The following ORC5 variants were observed in gnomAD, a reference collection of about 807,000 sequenced individuals.
The protein encoded by ORC5 is protein phosphatase 1, regulatory subunit 117.
In ORC5, 39 loss-of-function variants were observed where a neutral mutation model predicts 58.8. The observed-to-expected ratio is 0.66, with a 90% CI of 0.51 to 0.87. The LOEUF (loss-of-function observed/expected upper bound fraction) is 0.87. Ranked by LOEUF, ORC5 falls within the 40% of genes least tolerant of loss-of-function variation. The pLI, the probability that ORC5 is intolerant of heterozygous loss-of-function variation, is 0.00. For synonymous variants in ORC5, 218 were observed against 177.6 expected (o/e 1.23, Z -1.81); for missense variants, 493 against 506.3 (o/e 0.97, Z 0.25).
chr7:104,149,826 T>C (rs1485404957), intron 12 of ORC5, among the ~76,000 whole-genome samples: 1 of 152,206 alleles, frequency 6.6e-6, no homozygotes, highest in Non-Finnish European at 1.5e-5. Flanking sequence ...ATATATTCCT[T>C]TTCCTTTGAC....
chr7:104,176,053 G>A lies in ORC5; in HGVS notation c.825-7528C>T, dbSNP rs180810105. Among the ~76,000 whole-genome samples, 303 of 152,304 alleles carry A rather than the reference G, an allele frequency of 2.0e-3. 1 individual carries two copies. Among genetic ancestry groups the A allele is most frequent in the Non-Finnish European group, 3.2e-3 (215 of 68,022 alleles). The stretch of plus-strand genomic sequence containing the variant: ...CAGTCTTCATAAGATTGCCTACTGG[G>A]ACAAATAAAGTTTAGTCATGAGAAC... On this transcript the variant is annotated intron_variant, in intron 8 of 13. Transcript: ENST00000297431.
chr7:104,158,629 A>G (rs938808379), intron 12 of ORC5, among the ~76,000 whole-genome samples: 11 of 152,060 alleles, frequency 7.2e-5, no homozygotes, highest in African/African-American at 2.2e-4. Flanking sequence ...CAAATTTACA[A>G]AAAAATAAAC....
chr7:104,190,328 G>A (rs3808004), intron 5 of ORC5, among the ~76,000 whole-genome samples: 20,856 of 151,912 alleles, frequency 0.14, 1,756 homozygotes, highest in South Asian at 0.22. Flanking sequence ...TACATAAACT[G>A]CCAACAAACT....
Position 104,133,583 on chromosome 7 carries a change from G to T in ORC5, c.1262+3198C>A, listed in dbSNP as rs1434274458. Among the ~76,000 whole-genome samples, 1 of 152,078 alleles carries T rather than the reference G, an allele frequency of 6.6e-6. No homozygotes were observed. Among genetic ancestry groups the T allele is most frequent in the Admixed American group, 6.5e-5 (1 of 15,274 alleles). ...AATATAGCTGGGAAACAGCAATAAA[G>T]GTCAAGAATATTATAAAAAATAGGT... On this transcript the variant is annotated intron_variant, in intron 13 of 13. Transcript: ENST00000297431. This position sits in a 1 kb window ranked among gnomAD's most constrained non-coding sequence, Gnocchi z 4.7.
chr7:104,156,413 A>T (rs1411118407), intron 12 of ORC5, among the ~76,000 whole-genome samples: 1 of 151,794 alleles, frequency 6.6e-6, no homozygotes, highest in East Asian at 1.9e-4. Flanking sequence ...TGCCAACTAC[A>T]ATACAATATT....
chr7:104,128,192 G>A (rs1219030858), intron 13 of ORC5, among the ~76,000 whole-genome samples: 10 of 152,050 alleles, frequency 6.6e-5, no homozygotes, highest in Admixed American at 6.5e-4. Context: ...GCATGATCTC[G>A]GCTCACTGCA....
intron 2 of ORC5, among the ~76,000 whole-genome samples, chr7:104,203,902 A>C (rs1477883993): frequency 1.3e-5 from 2 of 152,238 alleles, no homozygotes; most frequent in Non-Finnish European, 2.9e-5. Context: ...AATGTGAAGC[A>C]ACAGACTAAG....
At chr7:104,188,155 A>T in intron 6 of ORC5, 96 bp downstream of exon 6, 2 of 1,004,200 alleles carry the variant, frequency 2.0e-6, no homozygotes, top group Non-Finnish European at 2.8e-6. Flanking sequence ...TACCATTTCT[A>T]CATGGAAAAC....
At chr7:104,149,283 A>G (rs1470037683) in intron 12 of ORC5, among the ~76,000 whole-genome samples, 1 of 152,194 alleles carries the variant, frequency 6.6e-6, no homozygotes, top group Non-Finnish European at 1.5e-5. Context: ...TTAATTATGT[A>G]GGTAAATATA....
intron 8 of ORC5, among the ~76,000 whole-genome samples, chr7:104,172,532 G>C (rs993857493): frequency 1.3e-5 from 2 of 152,082 alleles, no homozygotes; most frequent in African/African-American, 4.8e-5. Flanking sequence ...ATAGAATAAG[G>C]CATTCATGAG....
At chr7:104,140,470 T>TATA (rs1323220271) in intron 12 of ORC5, among the ~76,000 whole-genome samples, 5 of 152,222 alleles carry the variant, frequency 3.3e-5, no homozygotes, top group African/African-American at 1.2e-4. Context: ...CTCTTGCTAT[T>TATA]TTGGAAGTCC....
At chr7:104,159,807 T>G (rs1010344473) in intron 12 of ORC5, among the ~76,000 whole-genome samples, 1 of 152,144 alleles carries the variant, frequency 6.6e-6, no homozygotes, top group Non-Finnish European at 1.5e-5. Flanking sequence ...TTGCTTATAA[T>G]AAAGACCTGA....
chr7:104,137,283 A>C (rs1321807582), intron 12 of ORC5, among the ~76,000 whole-genome samples: 1 of 138,082 alleles, frequency 7.2e-6, no homozygotes, highest in East Asian at 2.2e-4. Flanking sequence ...AAAAAAAAAA[A>C]CAATTTTTTA....
intron 5 of ORC5, among the ~76,000 whole-genome samples, chr7:104,192,276 T>G (rs2116033213): frequency 6.6e-6 from 1 of 152,254 alleles, no homozygotes; most frequent in Non-Finnish European, 1.5e-5. Flanking sequence ...AATACCAATC[T>G]GTGTATGCAT....
intron 12 of ORC5, among the ~76,000 whole-genome samples, chr7:104,159,158 T>A (rs911414319): frequency 6.6e-6 from 1 of 150,738 alleles, no homozygotes; most frequent in Non-Finnish European, 1.5e-5. Flanking sequence ...TAAAAAATGA[T>A]GAGTTCATGT....
chr7:104,140,800 GT>G (rs1181809893), intron 12 of ORC5, among the ~76,000 whole-genome samples: 1 of 152,106 alleles, frequency 6.6e-6, no homozygotes, highest in Non-Finnish European at 1.5e-5. Context: ...TGCAACAAGA[GT>G]TTTTTTCTCT....
chr7:104,194,368 T>C (rs1305397058), intron 5 of ORC5, among the ~76,000 whole-genome samples: 2 of 152,054 alleles, frequency 1.3e-5, no homozygotes, highest in African/African-American at 2.4e-5. Context: ...GGTCATGGAA[T>C]GCTATTTTTT....
chr7:104,134,545 T>C (rs538346112), intron 13 of ORC5, among the ~76,000 whole-genome samples: 1 of 149,578 alleles, frequency 6.7e-6, no homozygotes, highest in Non-Finnish European at 1.5e-5. Context: ...AATAGGGAAA[T>C]AGAGCCAGAT....
intron 8 of ORC5, among the ~76,000 whole-genome samples, chr7:104,176,684 G>GC (rs1799328617): frequency 2.3e-5 from 2 of 88,738 alleles, no homozygotes; most frequent in Admixed American, 1.9e-4. Flanking sequence ...CCATTTAGTT[G>GC]TTGGGAGCTC....
Sources: allele counts gnomAD v4.1 joint callset (sites outside exome capture counted in the v4.1 genomes callset), GRCh38; gene constraint gnomAD v4.1.1; non-coding constraint Gnocchi (gnomAD v3.1); transcripts MANE v1.5; gene names NCBI Gene and HGNC (gene_info 2026-07-23, HGNC 2026-07-21).